Variants in IRAG1 observed in about 807,000 individuals in gnomAD.
IRAG1 encodes the protein inositol 1,4,5-triphosphate receptor associated 1, also known as IP3R-associated cGMP kinase substrate.
IRAG1 carries 62 observed loss-of-function variants against 106.2 expected under a neutral mutation model. The observed-to-expected ratio is 0.58, with a 90% confidence interval of 0.48 to 0.72. The LOEUF (loss-of-function observed/expected upper bound fraction) is 0.72, where lower values mean the gene tolerates loss of function less well. Ranked by LOEUF, IRAG1 falls within the 30% of genes least tolerant of loss-of-function variation. The pLI, the probability that IRAG1 is intolerant of heterozygous loss-of-function variation, is 0.00. For synonymous variants in IRAG1, 462 were observed against 443.9 expected (o/e 1.04, Z -0.51); for missense variants, 1,064 against 1,140.7 (o/e 0.93, Z 0.97).
At chr11:10,593,454 A>G in intron 17 of IRAG1, 38 bp downstream of exon 17, 1 of 1,561,680 alleles carries the variant, frequency 6.4e-7, no homozygotes, top group South Asian at 1.1e-5. Flanking sequence ...AGGTTATTCT[A>G]CTATTCTGTG....
At position 10,576,167 on chromosome 11, in the gene IRAG1, G is replaced by T; in HGVS notation, c.*165C>A. 1.2e-6 allele frequency: 1 copy of T among 851,776 alleles called. No homozygotes were observed. The highest frequency in any genetic ancestry group is 1.8e-6 in the Non-Finnish European group (1 of 561,898). The allele number at this position is 851,776 out of a possible 1,614,324, so 52.8% of individuals were successfully genotyped here. ...GATCCTCCAAGAACATCAAGTCACT[G>T]TGTATGAATAGCTCCCACAGAAGTG... On this transcript the variant is annotated 3_prime_UTR_variant, in exon 21 of 21. Coordinates refer to ENST00000423302, the MANE Select transcript of IRAG1 (RefSeq NM_130385.4).
chr11:10,687,948 T>A, intron 1 of IRAG1: 1 of 342,000 alleles, frequency 2.9e-6, no homozygotes, highest in Non-Finnish European at 4.1e-6. Flanking sequence ...ATCTGAAAAA[T>A]CTGAAATCTA....
chr11:10,624,995 T>C (rs1856126320), intron 9 of IRAG1, among the ~76,000 whole-genome samples: 1 of 152,180 alleles, frequency 6.6e-6, no homozygotes, highest in Non-Finnish European at 1.5e-5. Context: ...TGGGTCTTTC[T>C]GACTAGGAGG....
rs747974032 is a variant in IRAG1, at chr11:10,603,217, CGGTGCTCACAGT to C, written c.1766_1777del (p.His589_His592del). The C allele has an allele frequency of 8.1e-5, 130 of 1,613,440 alleles. No individual in the cohort carries two copies. The highest frequency in any genetic ancestry group is 5.0e-4 in the Middle Eastern group (3 of 5,994). The stretch of plus-strand genomic sequence containing the variant: ...CTCCAGCAACTTCTGGTAGGTTTCC[CGGTGCTCACAGT>C]GGTGCCAGAGTGAAGCTGAGGACTG... On this transcript the variant is annotated inframe_deletion, in exon 14 of 21. Coordinates refer to ENST00000423302, the MANE Select transcript of IRAG1 (RefSeq NM_130385.4).
intron 4 of IRAG1, among the ~76,000 whole-genome samples, chr11:10,631,748 G>C (rs779927803): frequency 6.6e-6 from 1 of 152,220 alleles, no homozygotes; most frequent in Non-Finnish European, 1.5e-5. Context: ...TCACTCAGCT[G>C]TTCTTTCTTT....
intron 20 of IRAG1, 55 bp downstream of exon 20, chr11:10,580,400 T>A (rs193211167): frequency 1.2e-5 from 19 of 1,578,948 alleles, no homozygotes; most frequent in Middle Eastern, 1.7e-4. Context: ...TTAAATTAGA[T>A]GAATTGTAAC....
At chr11:10,591,515 C>A (rs1383330807) in intron 18 of IRAG1, 33 bp downstream of exon 18, 1 of 1,558,456 alleles carries the variant, frequency 6.4e-7, no homozygotes, top group East Asian at 2.3e-5. Context: ...CCTGAGAGAT[C>A]CCTGAAGCCA....
intron 15 of IRAG1, among the ~76,000 whole-genome samples, chr11:10,598,637 G>T (rs1853596510): frequency 6.6e-6 from 1 of 152,236 alleles, no homozygotes; most frequent in Non-Finnish European, 1.5e-5. Context: ...AACAAGAATT[G>T]TGTCAATGGC....
chr11:10,578,341 C>T (rs192104959), intron 20 of IRAG1, among the ~76,000 whole-genome samples: 25 of 152,318 alleles, frequency 1.6e-4, no homozygotes, highest in Admixed American at 8.5e-4. Flanking sequence ...TTATGAGTCT[C>T]ACTTGTTCAA....
intron 1 of IRAG1, among the ~76,000 whole-genome samples, chr11:10,682,546 A>C (rs1217896200): frequency 6.6e-6 from 1 of 152,202 alleles, no homozygotes; most frequent in Non-Finnish European, 1.5e-5. Flanking sequence ...CCTGTTAGGA[A>C]TGTTGGCTAT....
intron 20 of IRAG1, 126 bp downstream of exon 20, chr11:10,580,329 A>T: frequency 7.0e-7 from 1 of 1,432,028 alleles, no homozygotes; most frequent in Non-Finnish European, 9.4e-7. Context: ...TTCTTGGGCT[A>T]CTCACTGGGG....
chr11:10,682,795 CCTT>C (rs2135219346), intron 1 of IRAG1, among the ~76,000 whole-genome samples: 1 of 152,294 alleles, frequency 6.6e-6, no homozygotes, highest in Non-Finnish European at 1.5e-5. Flanking sequence ...AGCAATTTTC[CCTT>C]CTTTAGTAAG....
At chr11:10,645,978 T>C (rs972308749) in intron 2 of IRAG1, among the ~76,000 whole-genome samples, 6 of 152,242 alleles carry the variant, frequency 3.9e-5, no homozygotes, top group Admixed American at 3.9e-4. Context: ...CTATAACTCT[T>C]AGTTTCTAGA....
intron 4 of IRAG1, 111 bp from the exon 5 acceptor site, chr11:10,629,822 A>G: frequency 8.6e-7 from 1 of 1,165,386 alleles, no homozygotes; most frequent in Non-Finnish European, 1.2e-6. Context: ...TGACCCAGCC[A>G]GCCAAACCTC....
rs963459613 is a variant in IRAG1, at chr11:10,626,720, G to C, written c.751-137C>G. The C allele has an allele frequency of 1.6e-5, 16 of 1,016,572 alleles. No homozygotes were observed. In the African/African-American group the frequency reaches 2.1e-4, roughly 13 times the overall value. The allele number at this position is 1,016,572 out of a possible 1,614,324, so 63.0% of individuals were successfully genotyped here. A position where few individuals can be genotyped will look rare whatever the true frequency, so the allele number is the denominator to read the frequency against. On this transcript the variant is annotated intron_variant, in intron 8 of 20. Coordinates refer to ENST00000423302, the MANE Select transcript of IRAG1 (RefSeq NM_130385.4). Reference sequence around the variant, plus strand: ...TTGTATAAGTGTGTATGGGGTATGAGTGGACGATGTGGAAGGAGAGGGCTT... The same window carrying C: ...TTGTATAAGTGTGTATGGGGTATGACTGGACGATGTGGAAGGAGAGGGCTT...
In IRAG1 at chr11:10,693,680, C is replaced by T; in HGVS notation, c.-78G>A. 11 of 1,477,802 alleles carry T rather than the reference C, an allele frequency of 7.4e-6. No homozygotes were observed. Among genetic ancestry groups the T allele is most frequent in the Non-Finnish European group, 1.0e-5 (11 of 1,097,308 alleles). 91.5% of individuals were successfully genotyped at this position (1,477,802 alleles called of 1,614,324 possible). A position where few individuals can be genotyped will look rare whatever the true frequency, so the allele number is the denominator to read the frequency against. ...CTGCAGAACCTCGGCCGCACGCCTCCTCTGAGAGGGGCTGGGACTTAGAGC... is the reference window on the plus strand; with the variant it reads ...CTGCAGAACCTCGGCCGCACGCCTCTTCTGAGAGGGGCTGGGACTTAGAGC... On this transcript the variant is annotated 5_prime_UTR_variant, in exon 1 of 21. Coordinates refer to ENST00000423302, the MANE Select transcript of IRAG1 (RefSeq NM_130385.4).
chr11:10,609,837 G>T lies in IRAG1; in HGVS notation c.1462C>A (p.Leu488Ile), dbSNP rs779702583. Reference sequence around the variant, plus strand: ...TCTTCTTCCTCAATAGCTGGGGAGAGTTCAGAAGGAAGCCCTGAAAAAAAA... The same window carrying T: ...TCTTCTTCCTCAATAGCTGGGGAGATTTCAGAAGGAAGCCCTGAAAAAAAA... ...AEQEKGLPSE[L>I]SPAIEEEESK... is the part of the protein sequence containing the mutation. Residue 488 changes from leucine (L) to isoleucine (I), a missense_variant, in exon 11 of 21, where the codon CTC becomes ATC. Coordinates refer to ENST00000423302, the MANE Select transcript of IRAG1 (RefSeq NM_130385.4). 1 of 1,613,748 alleles carries T rather than the reference G, an allele frequency of 6.2e-7. No individual in the cohort carries two copies. Among genetic ancestry groups the T allele is most frequent in the Non-Finnish European group, 8.5e-7 (1 of 1,179,790 alleles).
At chr11:10,604,364 T>C (rs747273461) in intron 13 of IRAG1, 41 bp downstream of exon 13, 1 of 1,612,678 alleles carries the variant, frequency 6.2e-7, no homozygotes, top group Non-Finnish European at 8.5e-7. Flanking sequence ...TTGGGGACAG[T>C]CTCTGCTCCA....
intron 20 of IRAG1, among the ~76,000 whole-genome samples, chr11:10,579,793 A>C (rs533402724): frequency 1.3e-5 from 2 of 152,350 alleles, no homozygotes; most frequent in African/African-American, 4.8e-5. Flanking sequence ...GGCAGGAACC[A>C]CAAGTGGGAC....
Sources: allele counts gnomAD v4.1 joint callset (sites outside exome capture counted in the v4.1 genomes callset), GRCh38; gene constraint gnomAD v4.1.1; transcripts MANE v1.5; gene names NCBI Gene and HGNC (gene_info 2026-07-23, HGNC 2026-07-21).